RHOT1: variants seen among roughly 807,000 people sequenced by gnomAD.
RHOT1 encodes ras homolog family member T1.
RHOT1 carries 27 observed loss-of-function variants against 95.3 expected under a neutral mutation model. The observed-to-expected ratio is 0.28, with a 90% CI of 0.21 to 0.39. RHOT1 has a LOEUF of 0.39. Among genes scored for constraint, RHOT1 ranks in the 10% least tolerant of loss-of-function variants. The pLI, the probability that RHOT1 is intolerant of heterozygous loss-of-function variation, is 1.00. For synonymous variants in RHOT1, 227 were observed against 263.5 expected, an observed-to-expected ratio of 0.86 and a Z score of 1.34; for missense variants, 578 against 786.7, an observed-to-expected ratio of 0.73 and a Z score of 3.17.
intron 19 of RHOT1, among the ~76,000 whole-genome samples, chr17:32,215,569 T>G (rs1297241895): frequency 1.0e-5 from 1 of 95,972 alleles, no homozygotes; most frequent in Non-Finnish European, 2.2e-5. Flanking sequence ...TTCAGTGATG[T>G]TAGTCCTTCA....
At chr17:32,162,665 C>T (rs2033670325) in intron 1 of RHOT1, among the ~76,000 whole-genome samples, 1 of 152,082 alleles carries the variant, frequency 6.6e-6, no homozygotes. Flanking sequence ...GTGCTAGAGG[C>T]CCTTTTCCCA....
intron 1 of RHOT1, chr17:32,143,136 C>T (rs1258339192): frequency 1.5e-5 from 8 of 532,148 alleles, no homozygotes; most frequent in African/African-American, 7.6e-5. Flanking sequence ...TGGAGATTCC[C>T]TTATCACTGC....
At chr17:32,142,977 C>T (rs2030619559) in intron 1 of RHOT1, 4 of 712,758 alleles carry the variant, frequency 5.6e-6, no homozygotes, top group South Asian at 3.0e-5. Flanking sequence ...TTCCCTGTTC[C>T]CCAGCCGTCC....
intron 19 of RHOT1, among the ~76,000 whole-genome samples, chr17:32,219,594 A>G (rs1303010211): frequency 3.9e-5 from 6 of 152,118 alleles, no homozygotes; most frequent in African/African-American, 1.2e-4. Flanking sequence ...ACTCTTTATT[A>G]CCTGAATTTT....
chr17:32,211,255 A>G lies in RHOT1; in HGVS notation c.1862+17A>G, dbSNP rs779416543. The G allele has an allele frequency of 6.3e-7, 1 of 1,592,048 alleles. No homozygotes were observed. Among genetic ancestry groups the G allele is most frequent in the Admixed American group, 1.7e-5 (1 of 59,044 alleles). On this transcript the variant is annotated intron_variant, in intron 19 of 19. Transcript: ENST00000545287. ...TCTTAACAGGTTCTTAACTTTATTT[A>G]CTGGGTACCAGGCATTCTGTTAAAA...
intron 18 of RHOT1, chr17:32,209,046 ACTTATT>A (rs1236533425): frequency 2.4e-5 from 4 of 165,902 alleles, no homozygotes; most frequent in South Asian, 3.8e-4. Context: ...AGCTTATTCT[ACTTATT>A]CTTATGTTAG....
intron 1 of RHOT1, among the ~76,000 whole-genome samples, chr17:32,164,334 A>G (rs933808776): frequency 1.3e-5 from 2 of 151,482 alleles, no homozygotes; most frequent in African/African-American, 4.8e-5. Flanking sequence ...CCCGGGTTCA[A>G]GCGATTCTTC....
At chr17:32,162,511 T>C (rs1371499742) in intron 1 of RHOT1, among the ~76,000 whole-genome samples, 2 of 152,216 alleles carry the variant, frequency 1.3e-5, no homozygotes, top group Non-Finnish European at 1.5e-5. Context: ...AGTTCTCCGG[T>C]TGCTGTTAAG....
At chr17:32,164,012 A>G (rs532957609) in intron 1 of RHOT1, among the ~76,000 whole-genome samples, 8 of 151,690 alleles carry the variant, frequency 5.3e-5, no homozygotes, top group Non-Finnish European at 1.0e-4. Flanking sequence ...AAAATTAGCC[A>G]GACGTGGTGG....
intron 19 of RHOT1, 115 bp downstream of exon 19, chr17:32,211,353 C>T: frequency 1.2e-6 from 1 of 864,628 alleles, no homozygotes; most frequent in South Asian, 3.9e-5. Flanking sequence ...TGATGCCCAA[C>T]TAACTTCCAC....
Position 32,151,600 on chromosome 17 carries a change from T to C in RHOT1, c.37+8871T>C, listed in dbSNP as rs1226293229. Reference sequence around the variant, plus strand: ...TGAACTTTTTAAAAAAAGGAAATCATGGCCCGGAGCAGTGGCTCACGCCTG... The same window carrying C: ...TGAACTTTTTAAAAAAAGGAAATCACGGCCCGGAGCAGTGGCTCACGCCTG... On this transcript the variant is annotated intron_variant, in intron 1 of 19. Transcript: ENST00000545287. 2.3e-5 allele frequency: 7 copies of C among 302,918 alleles called. 1 individual carries two copies. In the South Asian group the frequency reaches 3.0e-4, roughly 13 times the overall value. The allele number at this position is 302,918 out of a possible 1,614,324, so 18.8% of individuals were successfully genotyped here.
At chr17:32,180,361 A>T (rs1158496652) in intron 6 of RHOT1, among the ~76,000 whole-genome samples, 2 of 152,164 alleles carry the variant, frequency 1.3e-5, no homozygotes, top group Non-Finnish European at 1.5e-5. Context: ...CTTACCCCCA[A>T]CCCTGTGCTC....
At chr17:32,155,107 CAG>C (rs1837074976) in intron 1 of RHOT1, among the ~76,000 whole-genome samples, 1 of 152,086 alleles carries the variant, frequency 6.6e-6, no homozygotes, top group African/African-American at 2.4e-5. Flanking sequence ...AAAAGAAAAA[CAG>C]AACTATGGTA....
At chr17:32,196,036 T>C (rs2036859656) in intron 11 of RHOT1, among the ~76,000 whole-genome samples, 1 of 152,156 alleles carries the variant, frequency 6.6e-6, no homozygotes, top group Non-Finnish European at 1.5e-5. Context: ...GCAAAATAAC[T>C]CCCTGGAGCT....
intron 19 of RHOT1, among the ~76,000 whole-genome samples, chr17:32,214,331 T>C (rs560681648): frequency 6.6e-6 from 1 of 152,332 alleles, no homozygotes; most frequent in Admixed American, 6.5e-5. Flanking sequence ...ACAGGTCTGG[T>C]GTTGCCAGGT....
chr17:32,142,971 C>G (rs1004525538), intron 1 of RHOT1: 5 of 714,256 alleles, frequency 7.0e-6, no homozygotes, highest in Non-Finnish European at 1.0e-5. Flanking sequence ...TCTCCTTTCC[C>G]TGTTCCCCAG....
At chr17:32,192,951 C>T (rs994112069) in intron 9 of RHOT1, among the ~76,000 whole-genome samples, 185 bp from the exon 10 acceptor site, 2 of 152,160 alleles carry the variant, frequency 1.3e-5, no homozygotes, top group Non-Finnish European at 2.9e-5. Flanking sequence ...AGGCGTGAGC[C>T]ACTGCACCCA....
intron 7 of RHOT1, 129 bp from the exon 8 acceptor site, chr17:32,183,039 ATGT>A: frequency 1.3e-6 from 1 of 751,670 alleles, no homozygotes; most frequent in Non-Finnish European, 2.1e-6. Context: ...CTAGACATTC[ATGT>A]TGTGATGTCC....
At chr17:32,202,710 A>T in intron 14 of RHOT1, 60 bp from the exon 15 acceptor site, 1 of 1,285,794 alleles carries the variant, frequency 7.8e-7, no homozygotes, top group Non-Finnish European at 1.1e-6. Flanking sequence ...GGTGGAATGG[A>T]GGCTTAGTGA....
Sources: gnomAD v4.1 joint callset for allele counts (sites outside exome capture counted in the v4.1 genomes callset) on GRCh38, gnomAD v4.1.1 for gene constraint, MANE v1.5 for transcripts, NCBI Gene and HGNC (gene_info 2026-07-23, HGNC 2026-07-21) for gene names.